Variants in ODR4 observed in about 807,000 individuals in gnomAD.
ODR4 encodes the protein protein odr-4 homolog.
ODR4 carries 47 observed loss-of-function variants against 60.2 expected under a neutral mutation model. The ratio of observed to expected loss-of-function variants is 0.78; its 90% CI spans 0.62 to 1.00. The LOEUF is 1.00. ODR4 is among the 50% of genes least tolerant of loss of function. The pLI is 0.00. For synonymous variants in ODR4, 178 were observed against 175.5 expected, an observed-to-expected ratio of 1.01 and a Z score of -0.11; for missense variants, 488 against 530.8, an observed-to-expected ratio of 0.92 and a Z score of 0.79.
chr1:186,387,791 T>C (rs1660310262), intron 4 of ODR4, among the ~76,000 whole-genome samples: 1 of 152,228 alleles, frequency 6.6e-6, no homozygotes, highest in South Asian at 2.1e-4. Flanking sequence ...GTTAGAAAGC[T>C]TAGACCGAAA....
chr1:186,421,499 G>A (rs991381803), downstream of ODR4: 6 of 152,106 alleles, frequency 3.9e-5, no homozygotes, highest in African/African-American at 1.4e-4. Context: ...TTAAGATACT[G>A]TTTAACCTTA....
At chr1:186,415,023 A>T (rs1027138463) in intron 12 of ODR4, among the ~76,000 whole-genome samples, 1 of 152,106 alleles carries the variant, frequency 6.6e-6, no homozygotes, top group Non-Finnish European at 1.5e-5. Flanking sequence ...AATATAGAAG[A>T]CTAGATATTC....
chr1:186,399,062 G>A lies in ODR4; in HGVS notation c.1000+18G>A. On this transcript the variant is annotated intron_variant, in intron 11 of 13. Coordinates refer to ENST00000287859, the MANE Select transcript of ODR4 (RefSeq NM_017847.6). The stretch of plus-strand genomic sequence containing the variant: ...AAAAAAAGTTATGAGTATAAAATAA[G>A]TACTTTTTTGCGTATCTTCAACTGA... The A allele has an allele frequency of 6.6e-7, 1 of 1,519,000 alleles. No homozygotes were observed. Among genetic ancestry groups the A allele is most frequent in the Non-Finnish European group, 9.1e-7 (1 of 1,102,210 alleles). 94.1% of individuals were successfully genotyped at this position (1,519,000 alleles called of 1,614,324 possible).
chr1:186,426,332 CAGTT>C (rs1320279105), downstream of ODR4, among the ~76,000 whole-genome samples: 1 of 152,214 alleles, frequency 6.6e-6, no homozygotes, highest in Non-Finnish European at 1.5e-5. Context: ...TTAGCTGACT[CAGTT>C]GGGTGGCCCT....
At chr1:186,403,652 TATTTC>T (rs930628339) in intron 11 of ODR4, among the ~76,000 whole-genome samples, 38 of 151,914 alleles carry the variant, frequency 2.5e-4, no homozygotes, top group African/African-American at 9.2e-4. Flanking sequence ...AAGAACTTAG[TATTTC>T]ATTGTCAGTT....
downstream of ODR4, among the ~76,000 whole-genome samples, chr1:186,423,707 G>A (rs1478797981): frequency 1.3e-5 from 2 of 151,636 alleles, no homozygotes; most frequent in Non-Finnish European, 2.9e-5. Flanking sequence ...TGCCTGCCTC[G>A]GCCTCCTAAA....
Position 186,420,348 on chromosome 1 carries a change from T to C in ODR4, c.*1272T>C, listed in dbSNP as rs1027936335. On this transcript the variant is annotated 3_prime_UTR_variant, in exon 14 of 14. Transcript: ENST00000287859. ...TTCAGTGGTCCTCAGTTTGCAGTGC[T>C]CTAGCTCCTGGCAGAAGCAAGAGGG... The C allele has an allele frequency of 1.3e-5, 2 of 152,234 alleles. No homozygotes were observed. The highest frequency in any genetic ancestry group is 2.9e-5 in the Non-Finnish European group (2 of 68,048). The allele number at this position is 152,234 out of a possible 1,614,324, so 9.4% of individuals were successfully genotyped here. A position where few individuals can be genotyped will look rare whatever the true frequency, so the allele number is the denominator to read the frequency against.
chr1:186,427,304 C>A, the ODR4 span, among the ~76,000 whole-genome samples: 10 of 152,284 alleles, frequency 6.6e-5, no homozygotes, highest in Middle Eastern at 3.4e-3. Context: ...TCTTTTTCAA[C>A]TAAGTTTGTG....
chr1:186,389,498 G>C, intron 5 of ODR4, 90 bp from the exon 6 acceptor site: 1 of 982,240 alleles, frequency 1.0e-6, no homozygotes, highest in South Asian at 1.5e-5. Context: ...TTTTGGATGC[G>C]TGCATTTTTT....
intron 4 of ODR4, among the ~76,000 whole-genome samples, chr1:186,387,944 C>T (rs562550123): frequency 2.2e-4 from 33 of 152,032 alleles, no homozygotes; most frequent in Admixed American, 5.2e-4. Context: ...TCTTGTGTGA[C>T]GTTTAAATAA....
chr1:186,409,850 GT>G (rs1243199760), intron 12 of ODR4, among the ~76,000 whole-genome samples: 11 of 152,010 alleles, frequency 7.2e-5, no homozygotes, highest in African/African-American at 2.7e-4. Context: ...AGCCAATAGA[GT>G]TTTTTAAAAA....
chr1:186,398,517 CT>C, intron 10 of ODR4, 76 bp downstream of exon 10: 1 of 1,373,230 alleles, frequency 7.3e-7, no homozygotes, highest in Non-Finnish European at 9.7e-7. Context: ...ATTTTTTAAT[CT>C]TATATTTTGT....
At chr1:186,418,649 A>G (rs998388097) in intron 13 of ODR4, among the ~76,000 whole-genome samples, 1 of 152,328 alleles carries the variant, frequency 6.6e-6, no homozygotes, top group East Asian at 1.9e-4. Flanking sequence ...ACTACTGCCT[A>G]CTGGAGCTGC....
At chr1:186,424,936 T>G (rs988069882), downstream of ODR4, among the ~76,000 whole-genome samples, 1 of 151,058 alleles carries the variant, frequency 6.6e-6, no homozygotes, top group African/African-American at 2.4e-5. Flanking sequence ...CACATTGTAT[T>G]GGTCAAAGTA....
At chr1:186,379,979 A>C in intron 2 of ODR4, 95 bp downstream of exon 2, 1 of 697,338 alleles carries the variant, frequency 1.4e-6, no homozygotes. Flanking sequence ...GATGCTATTT[A>C]ATAATAAACT....
At chr1:186,424,330 T>C (rs1661848083), downstream of ODR4, among the ~76,000 whole-genome samples, 1 of 152,198 alleles carries the variant, frequency 6.6e-6, no homozygotes, top group South Asian at 2.1e-4. Flanking sequence ...AACTGTATTA[T>C]GTAGGAATAT....
At chr1:186,405,380 G>C (rs578115205) in intron 11 of ODR4, among the ~76,000 whole-genome samples, 209 of 152,204 alleles carry the variant, frequency 1.4e-3, no homozygotes, top group African/African-American at 4.9e-3. Flanking sequence ...GGATGAAGAA[G>C]AGAAAAACCA....
chr1:186,393,178 A>G (rs1660534490), intron 8 of ODR4, among the ~76,000 whole-genome samples: 1 of 152,198 alleles, frequency 6.6e-6, no homozygotes, highest in Non-Finnish European at 1.5e-5. Flanking sequence ...AATAATGGGT[A>G]CTAGGTTTAA....
At chr1:186,399,120 C>T (rs566513975) in intron 11 of ODR4, 76 bp downstream of exon 11, 23 of 913,770 alleles carry the variant, frequency 2.5e-5, no homozygotes, top group South Asian at 8.6e-5. Context: ...ATAGCAGATA[C>T]GTCATCTTTT....
Sources: gnomAD v4.1 joint callset for allele counts (sites outside exome capture counted in the v4.1 genomes callset) on GRCh38, gnomAD v4.1.1 for gene constraint, MANE v1.5 for transcripts, NCBI Gene and HGNC (gene_info 2026-07-23, HGNC 2026-07-21) for gene names.